The following ZMYM2 variants were observed in gnomAD, a reference collection of about 807,000 sequenced individuals.
ZMYM2 encodes zinc finger MYM-type containing 2, also known as zinc finger MYM-type protein 2.
Under a neutral mutation model 162.8 loss-of-function variants are expected in ZMYM2, and 56 were observed. The observed-to-expected ratio is 0.34, with a 90% CI of 0.28 to 0.43. ZMYM2 has a LOEUF of 0.43. Among genes scored for constraint, ZMYM2 ranks in the 20% least tolerant of loss-of-function variants. ZMYM2 has a pLI of 1.00. For missense variants in ZMYM2, 1,275 were observed against 1,621.8 expected (o/e 0.79, Z 3.67); for synonymous variants, 510 against 541.6 (o/e 0.94, Z 0.81).
chr13:19,911,424 C>T, the ZMYM2 span, among the ~76,000 whole-genome samples: 2 of 152,120 alleles, frequency 1.3e-5, no homozygotes, highest in Non-Finnish European at 2.9e-5. Flanking sequence ...GGTTGGGTCA[C>T]CTTGAGGAAG....
At chr13:20,003,422 A>G (rs1433375367) in intron 4 of ZMYM2, among the ~76,000 whole-genome samples, 1 of 152,234 alleles carries the variant, frequency 6.6e-6, no homozygotes, top group African/African-American at 2.4e-5. Context: ...AAAAATGCTA[A>G]GCAGTTTATG....
At chr13:19,973,692 CCAAAAAACAAAA>C (rs1327485615) in intron 2 of ZMYM2, among the ~76,000 whole-genome samples, 20 of 146,000 alleles carry the variant, frequency 1.4e-4, no homozygotes, top group South Asian at 4.3e-4. Context: ...AAAAAAAACA[CCAAAAAACAAAA>C]CAAAAAACAG....
intron 9 of ZMYM2, among the ~76,000 whole-genome samples, 185 bp from the exon 10 acceptor site, chr13:20,031,134 A>C (rs1375388126): frequency 6.6e-6 from 1 of 152,182 alleles, no homozygotes; most frequent in African/African-American, 2.4e-5. Context: ...ATTTAATTTC[A>C]ATTTTATAAA....
chr13:20,059,021 G>A, intron 15 of ZMYM2: 1 of 427,016 alleles, frequency 2.3e-6, no homozygotes, highest in Non-Finnish European at 4.3e-6. Flanking sequence ...CTTTGCATGT[G>A]GTTTGTAATG....
intron 2 of ZMYM2, among the ~76,000 whole-genome samples, chr13:19,981,221 A>G (rs1259239986): frequency 1.3e-5 from 2 of 152,168 alleles, no homozygotes; most frequent in Non-Finnish European, 2.9e-5. Context: ...GCAGTGAGCT[A>G]TGATGATGCC....
rs1388890086 is a variant in ZMYM2 at position 20,046,611 on chromosome 13, ATATATGTG to A, written c.2293-4816_2293-4809del. Among the ~76,000 whole-genome samples the A allele has an allele frequency of 6.2e-3, 598 of 96,082 alleles. 2 individuals are homozygous for A. Among genetic ancestry groups the A allele is most frequent in the African/African-American group, 7.7e-3 (137 of 17,784 alleles). 63.0% of individuals were successfully genotyped at this position (96,082 alleles called of 152,430 possible). A position where few individuals can be genotyped will look rare whatever the true frequency, so the allele number is the denominator to read the frequency against. ...TGTGTGTGTGTGTGTGTGTGTGTAT[ATATATGTG>A]TATATATATGTGTATATATATGTGT... On this transcript the variant is annotated intron_variant, in intron 12 of 24. Transcript: ENST00000610343.
At chr13:20,018,022 CGGCCTCTCTACTT>C (rs946113079) in intron 6 of ZMYM2, among the ~76,000 whole-genome samples, 19 of 152,098 alleles carry the variant, frequency 1.2e-4, no homozygotes, top group African/African-American at 4.6e-4. Context: ...GTTAAAAGGT[CGGCCTCTCTACTT>C]GGCCTCTCTA....
chr13:19,916,142 T>C, the ZMYM2 span, among the ~76,000 whole-genome samples: 2 of 152,032 alleles, frequency 1.3e-5, no homozygotes, highest in East Asian at 3.9e-4. Context: ...ATTACAGGTG[T>C]AAGCCACCGC....
At chr13:19,966,364 C>T (rs1955782641) in intron 2 of ZMYM2, among the ~76,000 whole-genome samples, 2 of 149,276 alleles carry the variant, frequency 1.3e-5, no homozygotes, top group African/African-American at 4.9e-5. Flanking sequence ...GAACTCCCGA[C>T]CTCAGGTTAT....
At chr13:20,017,690 G>A (rs180962926) in intron 6 of ZMYM2, among the ~76,000 whole-genome samples, 38 of 151,324 alleles carry the variant, frequency 2.5e-4, no homozygotes, top group Admixed American at 3.3e-4. Context: ...TCTGTTTTTC[G>A]GGTTGGGTAC....
At chr13:19,952,916 G>C in the ZMYM2 span, among the ~76,000 whole-genome samples, 1 of 152,198 alleles carries the variant, frequency 6.6e-6, no homozygotes, top group Non-Finnish European at 1.5e-5. Context: ...ATGGTATCAA[G>C]AAGTGAGACC....
At chr13:20,053,251 T>C (rs890643165) in intron 14 of ZMYM2, among the ~76,000 whole-genome samples, 1 of 152,156 alleles carries the variant, frequency 6.6e-6, no homozygotes, top group Non-Finnish European at 1.5e-5. Flanking sequence ...GGCTAGTTCT[T>C]GTTGTGTTAC....
the ZMYM2 span, among the ~76,000 whole-genome samples, chr13:19,887,371 A>C: frequency 1.3e-5 from 2 of 151,652 alleles, no homozygotes; most frequent in Admixed American, 1.3e-4. Context: ...TCTATTAAAA[A>C]TATAAAAATT....
intron 2 of ZMYM2, among the ~76,000 whole-genome samples, chr13:19,992,228 G>T (rs888715490): frequency 6.6e-6 from 1 of 152,104 alleles, no homozygotes; most frequent in African/African-American, 2.4e-5. Flanking sequence ...CAATTAATGG[G>T]AGCCAGAGAA....
upstream of ZMYM2, among the ~76,000 whole-genome samples, chr13:19,956,154 T>C (rs1036336338): frequency 2.5e-4 from 38 of 152,310 alleles, no homozygotes; most frequent in Non-Finnish European, 1.0e-4. Context: ...ACTCCCCACT[T>C]CTCCAGTTCT....
chr13:20,051,430 A>C lies in ZMYM2; in HGVS notation c.2293-3A>C. 6.2e-7 allele frequency: 1 copy of C among 1,606,146 alleles called. No individual in the cohort carries two copies. Among genetic ancestry groups the C allele is most frequent in the South Asian group, 1.1e-5 (1 of 89,364 alleles). ...TATCTGAAACCTTCCTTTTTAAATT[A>C]AGGCTGCAAGGTGTGACTGTTGTAA... On this transcript the variant is annotated splice_region_variant and splice_polypyrimidine_tract_variant and intron_variant, in intron 12 of 24. Coordinates refer to ENST00000610343, the MANE Select transcript of ZMYM2 (RefSeq NM_197968.4).
rs1452031106 is a variant in ZMYM2, at chr13:20,019,551, G to T, written c.1517G>T (p.Gly506Val). The T allele has an allele frequency of 7.6e-6, 12 of 1,584,052 alleles. No homozygotes were observed. The highest frequency in any genetic ancestry group is 8.6e-6 in the Non-Finnish European group (10 of 1,164,576). ...QSCVSEYKQV[G>V]SHPSFLKEVR... ...TCTTTTAAAATCTTTTTTTAGGTAGGTAGCCATCCAAGCTTCCTGAAGGAG... is the reference window on the plus strand; with the variant it reads ...TCTTTTAAAATCTTTTTTTAGGTAGTTAGCCATCCAAGCTTCCTGAAGGAG... The change falls in exon 7 of 25, where the codon GGT (glycine) becomes GTT (valine). Residue 506 changes from glycine to valine, a missense_variant. Transcript: ENST00000610343.
chr13:19,983,678 G>C (rs1437220959), intron 2 of ZMYM2, among the ~76,000 whole-genome samples: 1 of 151,928 alleles, frequency 6.6e-6, no homozygotes, highest in East Asian at 1.9e-4. Flanking sequence ...GCCCAGGCTA[G>C]TTTGCAGTGG....
the ZMYM2 span, among the ~76,000 whole-genome samples, chr13:19,871,812 A>C: frequency 6.6e-6 from 1 of 152,196 alleles, no homozygotes; most frequent in Admixed American, 6.6e-5. Flanking sequence ...GGGATTTCTC[A>C]ACAAATATTA....
Sources: gnomAD v4.1 joint callset for allele counts (sites outside exome capture counted in the v4.1 genomes callset) on GRCh38, gnomAD v4.1.1 for gene constraint, MANE v1.5 for transcripts, NCBI Gene and HGNC (gene_info 2026-07-23, HGNC 2026-07-21) for gene names.